The following TTBK2 variants were observed in gnomAD, a reference collection of about 807,000 sequenced individuals.
TTBK2 encodes tau-tubulin kinase 2.
In TTBK2, 28 loss-of-function variants were observed where a neutral mutation model predicts 110.8. The observed-to-expected ratio is 0.25, with a 90% CI of 0.19 to 0.35. The LOEUF is 0.35. TTBK2 is among the 10% of genes least tolerant of loss of function. The probability of loss-of-function intolerance (pLI) is 1.00; values close to 1 mark genes in which losing one functional copy is unlikely to be tolerated. For synonymous variants in TTBK2, 532 were observed against 527.3 expected (o/e 1.01, Z -0.12); for missense variants, 1,369 against 1,500.3 (o/e 0.91, Z 1.45).
chr15:42,841,574 AG>A (rs1893220787), intron 3 of TTBK2, among the ~76,000 whole-genome samples: 2 of 152,152 alleles, frequency 1.3e-5, no homozygotes, highest in Non-Finnish European at 2.9e-5. Context: ...AAACTACTGC[AG>A]GGTAATGAGA....
intron 9 of TTBK2, among the ~76,000 whole-genome samples, chr15:42,795,368 G>C (rs1890891737): frequency 1.3e-5 from 2 of 150,688 alleles, no homozygotes; most frequent in Admixed American, 1.3e-4. Flanking sequence ...CTGTTAGTTT[G>C]ATTTATATCC....
chr15:42,883,139 T>C (rs1895110674), intron 1 of TTBK2, among the ~76,000 whole-genome samples: 1 of 152,054 alleles, frequency 6.6e-6, no homozygotes, highest in Admixed American at 6.6e-5. Context: ...CCCAACACTT[T>C]GGGAGGCTGA....
chr15:42,754,983 G>A (rs2061926747), intron 13 of TTBK2, among the ~76,000 whole-genome samples: 1 of 143,202 alleles, frequency 7.0e-6, no homozygotes, highest in Non-Finnish European at 1.5e-5. Context: ...ACTCCAGCCT[G>A]GGCAATAAGA....
intron 3 of TTBK2, among the ~76,000 whole-genome samples, chr15:42,847,870 T>C (rs1340573216): frequency 6.6e-6 from 1 of 152,220 alleles, no homozygotes; most frequent in African/African-American, 2.4e-5. Context: ...TTTTATATTT[T>C]TAGACAGGAT....
Position 42,746,322 on chromosome 15 carries a change from A to G in TTBK2, c.3273-65T>C, listed in dbSNP as rs530018087. On this transcript the variant is annotated intron_variant, in intron 14 of 14. Coordinates refer to ENST00000267890, the MANE Select transcript of TTBK2 (RefSeq NM_173500.4). ...TTTCAAGTGTGCCTAAAAAGTCACA[A>G]TGTCCCAAAATCATAATGTGAATGT... 1.8e-5 allele frequency: 22 copies of G among 1,230,826 alleles called. No homozygotes were observed. In the African/African-American group the frequency reaches 2.3e-4, roughly 13 times the overall value. The allele number at this position is 1,230,826 out of a possible 1,614,324, so 76.2% of individuals were successfully genotyped here.
intron 7 of TTBK2, among the ~76,000 whole-genome samples, chr15:42,816,067 TATAA>T: frequency 9.8e-6 from 1 of 101,534 alleles, no homozygotes; most frequent in Non-Finnish European, 1.8e-5. Flanking sequence ...AATATATATA[TATAA>T]AAATAAATAA....
intron 14 of TTBK2, among the ~76,000 whole-genome samples, chr15:42,750,294 A>C (rs1021203810): frequency 6.6e-6 from 1 of 152,196 alleles, no homozygotes; most frequent in Admixed American, 6.5e-5. Context: ...CTGATAGCAA[A>C]GCTACTAGAC....
At chr15:42,790,492 C>T (rs1890613571) in intron 10 of TTBK2, among the ~76,000 whole-genome samples, 1 of 151,704 alleles carries the variant, frequency 6.6e-6, no homozygotes, top group Non-Finnish European at 1.5e-5. Flanking sequence ...ACCATGTTGC[C>T]CAGGATGGTC....
At chr15:42,789,551 T>C (rs1347379978) in intron 10 of TTBK2, among the ~76,000 whole-genome samples, 1 of 151,960 alleles carries the variant, frequency 6.6e-6, no homozygotes, top group African/African-American at 2.4e-5. Context: ...CTGGTAAACA[T>C]GGTGAAACCC....
chr15:42,841,495 GC>G (rs1457926020), intron 3 of TTBK2, among the ~76,000 whole-genome samples: 9 of 152,332 alleles, frequency 5.9e-5, no homozygotes, highest in Admixed American at 2.6e-4. Context: ...ACAGGCATAA[GC>G]CACTGCACCG....
rs755401536 is a variant in TTBK2, at chr15:42,801,624, T to C, written c.823-6823A>G. The C allele has an allele frequency of 7.4e-6, 6 of 812,178 alleles. No individual in the cohort carries two copies. The South Asian group carries it at 8.0e-5, about 11-fold the overall frequency. The allele number at this position is 812,178 out of a possible 1,614,324, so 50.3% of individuals were successfully genotyped here. ...TTGGCAATCTCCTCGTACTGCACCT[T>C]GACCTCAGGGATGATGCTGTCCATG... On this transcript the variant is annotated intron_variant, in intron 9 of 14. Coordinates refer to ENST00000267890, the MANE Select transcript of TTBK2 (RefSeq NM_173500.4).
chr15:42,767,947 G>A (rs1312170145), intron 13 of TTBK2, among the ~76,000 whole-genome samples: 1 of 152,202 alleles, frequency 6.6e-6, no homozygotes, highest in East Asian at 1.9e-4. Context: ...GGGATGTAAT[G>A]CTGGTTCAAA....
intron 3 of TTBK2, among the ~76,000 whole-genome samples, chr15:42,850,449 A>G (rs189710466): frequency 6.6e-6 from 1 of 152,198 alleles, no homozygotes; most frequent in Admixed American, 6.5e-5. Flanking sequence ...GTCTCCTACA[A>G]TTTACTTTTC....
chr15:42,802,037 C>T (rs560972482), intron 9 of TTBK2: 23 of 1,474,962 alleles, frequency 1.6e-5, no homozygotes, highest in South Asian at 1.0e-4. Context: ...TGCTGCTGCA[C>T]GAGGCTCCAC....
chr15:42,908,269 A>G (rs1230660991), intron 1 of TTBK2: 1 of 152,214 alleles, frequency 6.6e-6, no homozygotes, highest in East Asian at 1.9e-4. Context: ...TGAGGCCAGG[A>G]GTTCAAGACC....
In TTBK2 at chr15:42,746,104, C is replaced by T. The variant is rs2061791799; in HGVS notation, c.3426G>A (p.Lys1142=). Residue 1142 remains lysine, a synonymous_variant, in exon 15 of 15, where the codon AAG becomes AAA. Transcript: ENST00000267890. ...GSPHNPKTPP[K]SPVVPRRSPS... is the part of the protein sequence containing the mutation. Reference sequence around the variant, plus strand: ...GACTCCTGCGAGGGACAACTGGACTCTTGGGTGGTGTTTTTGGATTGTGAG... The same window carrying T: ...GACTCCTGCGAGGGACAACTGGACTTTTGGGTGGTGTTTTTGGATTGTGAG... 2 of 1,613,896 alleles carry T rather than the reference C, an allele frequency of 1.2e-6. No homozygotes were observed. The highest frequency in any genetic ancestry group is 1.7e-5 in the Admixed American group (1 of 59,990).
intron 4 of TTBK2, among the ~76,000 whole-genome samples, chr15:42,835,430 C>T (rs1021377426): frequency 2.0e-5 from 3 of 152,100 alleles, no homozygotes; most frequent in African/African-American, 7.2e-5. Context: ...AAGACAACCA[C>T]AGGGAAACAA....
intron 9 of TTBK2, among the ~76,000 whole-genome samples, chr15:42,808,258 C>T (rs147202372): frequency 1.2e-3 from 180 of 152,182 alleles, no homozygotes; most frequent in African/African-American, 3.9e-3. Flanking sequence ...CCATGTGCAA[C>T]GTGTTGAAGT....
intron 11 of TTBK2, 58 bp from the exon 12 acceptor site, chr15:42,777,300 A>C (rs1889974388): frequency 6.6e-7 from 1 of 1,515,278 alleles, no homozygotes; most frequent in Admixed American, 1.8e-5. Context: ...ACATGAGAGG[A>C]ATCATTGAAG....
Sources: allele counts gnomAD v4.1 joint callset (sites outside exome capture counted in the v4.1 genomes callset), GRCh38; gene constraint gnomAD v4.1.1; transcripts MANE v1.5; gene names NCBI Gene and HGNC (gene_info 2026-07-23, HGNC 2026-07-21).